ADGRL2: variants seen among roughly 807,000 people sequenced by gnomAD.
ADGRL2 encodes calcium-independent alpha-latrotoxin receptor 2.
In ADGRL2, 44 loss-of-function variants were observed where a neutral mutation model predicts 157.4. The ratio of observed to expected loss-of-function variants is 0.28; its 90% CI spans 0.22 to 0.36. ADGRL2 has a LOEUF of 0.36. ADGRL2 is among the 10% of genes least tolerant of loss of function. The pLI, the probability that ADGRL2 is intolerant of heterozygous loss-of-function variation, is 1.00. For synonymous variants in ADGRL2, 585 were observed against 624.7 expected (o/e 0.94, Z 0.95); for missense variants, 1,510 against 1,768.9 (o/e 0.85, Z 2.63).
intron 1 of ADGRL2, among the ~76,000 whole-genome samples, chr1:81,819,724 T>C (rs902845305): frequency 2.0e-5 from 3 of 152,172 alleles, no homozygotes; most frequent in Non-Finnish European, 2.9e-5. Flanking sequence ...TTAGAAATCT[T>C]TATTTTGCTA....
At chr1:81,654,572 A>T (rs990945484) in intron 3 of ADGRL2, among the ~76,000 whole-genome samples, 1 of 152,210 alleles carries the variant, frequency 6.6e-6, no homozygotes, top group African/African-American at 2.4e-5. Context: ...GTGAGCTGCC[A>T]ACTAAAAAAT....
intron 1 of ADGRL2, among the ~76,000 whole-genome samples, chr1:81,704,956 A>G (rs1422899381): frequency 6.6e-6 from 1 of 152,246 alleles, no homozygotes; most frequent in Non-Finnish European, 1.5e-5. Context: ...AGAAAAAGAA[A>G]AATACTGGCA....
At chr1:81,333,663 AC>A (rs763809604) in intron 1 of ADGRL2, among the ~76,000 whole-genome samples, 3 of 147,370 alleles carry the variant, frequency 2.0e-5, no homozygotes, top group Non-Finnish European at 4.5e-5. Context: ...TGATCCACCC[AC>A]CTTGGCCTCC....
At chr1:81,784,276 T>C (rs1361179380) in intron 2 of ADGRL2, among the ~76,000 whole-genome samples, 1 of 152,232 alleles carries the variant, frequency 6.6e-6, no homozygotes, top group African/African-American at 2.4e-5. Flanking sequence ...AAAAAAGTAG[T>C]ATCTGTGACT....
intron 1 of ADGRL2, among the ~76,000 whole-genome samples, chr1:81,823,845 A>T (rs995087231): frequency 6.6e-6 from 1 of 152,216 alleles, no homozygotes; most frequent in Non-Finnish European, 1.5e-5. Flanking sequence ...ACCCAAGAAC[A>T]TAAGAGCAAA....
At chr1:81,764,777 T>C (rs1001335259) in intron 2 of ADGRL2, among the ~76,000 whole-genome samples, 13 of 152,166 alleles carry the variant, frequency 8.5e-5, no homozygotes, top group Admixed American at 2.6e-4. Context: ...TATAAGATTT[T>C]TAAAATAAAA....
intron 1 of ADGRL2, among the ~76,000 whole-genome samples, chr1:81,344,362 G>A (rs928239742): frequency 1.3e-5 from 2 of 152,128 alleles, no homozygotes; most frequent in Non-Finnish European, 2.9e-5. Context: ...ACTTAAGAAA[G>A]TGACACAGAA....
At chr1:81,427,273 TG>T (rs1230695765) in intron 1 of ADGRL2, 29 of 738,850 alleles carry the variant, frequency 3.9e-5, no homozygotes, top group Non-Finnish European at 6.2e-5. Flanking sequence ...AAGGAGGTGA[TG>T]GTGGATATAA....
intron 2 of ADGRL2, among the ~76,000 whole-genome samples, chr1:81,508,031 CATT>C (rs1214565293): frequency 6.6e-6 from 1 of 152,284 alleles, no homozygotes; most frequent in Admixed American, 6.5e-5. Context: ...TGCTATTTAA[CATT>C]ATTCTAAGAA....
At chr1:81,587,027 A>G (rs1305679187) in intron 3 of ADGRL2, among the ~76,000 whole-genome samples, 3 of 152,096 alleles carry the variant, frequency 2.0e-5, no homozygotes, top group African/African-American at 4.8e-5. Flanking sequence ...AAAATCGCCA[A>G]CAAGAGGAAA....
chr1:81,825,906 C>T (rs766381504), intron 1 of ADGRL2, among the ~76,000 whole-genome samples: 4 of 151,970 alleles, frequency 2.6e-5, no homozygotes, highest in Non-Finnish European at 5.9e-5. Flanking sequence ...GGTGATAAAT[C>T]AGCTTTGAGA....
chr1:81,907,323 C>G (rs539387318), intron 3 of ADGRL2, 93 bp downstream of exon 3: 1 of 997,790 alleles, frequency 1.0e-6, no homozygotes, highest in African/African-American at 1.6e-5. Context: ...ATATAGACCA[C>G]ATCCCAGCCT....
upstream of ADGRL2, among the ~76,000 whole-genome samples, chr1:81,697,610 C>A (rs1044446964): frequency 6.6e-5 from 10 of 152,034 alleles, no homozygotes; most frequent in African/African-American, 2.4e-4. Flanking sequence ...TAAAGAATGA[C>A]ACAAAATGAA....
chr1:81,606,144 C>T (rs2081428047), intron 3 of ADGRL2, among the ~76,000 whole-genome samples: 1 of 152,152 alleles, frequency 6.6e-6, no homozygotes, highest in Admixed American at 6.6e-5. Context: ...TCCAAATGCT[C>T]AAGCAGCTTT....
intron 1 of ADGRL2, among the ~76,000 whole-genome samples, chr1:81,713,870 C>T (rs750214988): frequency 5.3e-5 from 8 of 152,148 alleles, no homozygotes; most frequent in Non-Finnish European, 8.8e-5. Context: ...TCTGTTCTCA[C>T]ACTGCTAATA....
intron 3 of ADGRL2, among the ~76,000 whole-genome samples, chr1:81,620,345 A>C (rs2081763431): frequency 6.6e-6 from 1 of 152,232 alleles, no homozygotes; most frequent in African/African-American, 2.4e-5. Flanking sequence ...TAAGATGTAC[A>C]ACTAGCATAT....
At chr1:81,325,138 G>A (rs902374417) in intron 1 of ADGRL2, among the ~76,000 whole-genome samples, 1 of 152,140 alleles carries the variant, frequency 6.6e-6, no homozygotes, top group South Asian at 2.1e-4. Context: ...GAAGAGACCA[G>A]AATTGCTTTG....
intron 1 of ADGRL2, among the ~76,000 whole-genome samples, chr1:81,742,898 A>C (rs1294378895): frequency 1.3e-5 from 2 of 152,060 alleles, no homozygotes; most frequent in African/African-American, 4.8e-5. Context: ...GTTTTATCAA[A>C]TATAGAATAG....
At chr1:81,383,656 C>T (rs2076380765) in intron 1 of ADGRL2, among the ~76,000 whole-genome samples, 1 of 127,348 alleles carries the variant, frequency 7.9e-6, no homozygotes, top group South Asian at 2.4e-4. Flanking sequence ...TCCTAAACTA[C>T]TAGTTTAAAA....
Sources: allele counts gnomAD v4.1 joint callset (sites outside exome capture counted in the v4.1 genomes callset), GRCh38; gene constraint gnomAD v4.1.1; transcripts MANE v1.5; gene names NCBI Gene and HGNC (gene_info 2026-07-23, HGNC 2026-07-21).